Variants in EVL observed in about 807,000 individuals in gnomAD.
The protein encoded by EVL is Enah/Vasp-like, also known as ena/VASP-like protein.
A neutral mutation model predicts 59.6 loss-of-function variants in EVL; 21 were observed. That is an observed-to-expected ratio of 0.35 (90% CI 0.25 to 0.51). The LOEUF (loss-of-function observed/expected upper bound fraction) is 0.51. EVL is among the 20% of genes least tolerant of loss of function. The probability of loss-of-function intolerance (pLI) is 0.97; values close to 1 mark genes in which losing one functional copy is unlikely to be tolerated. For synonymous variants in EVL, 198 were observed against 203.5 expected (o/e 0.97, Z 0.23); for missense variants, 462 against 546.6 (o/e 0.85, Z 1.54).
intron 1 of EVL, among the ~76,000 whole-genome samples, chr14:100,047,111 TCTCTCTC>T (rs201628346): frequency 2.3e-3 from 67 of 29,572 alleles, no homozygotes; most frequent in African/African-American, 9.5e-3. Flanking sequence ...TGGGCAGATC[TCTCTCTC>T]TTTTTTTTTT....
chr14:100,020,129 G>A (rs765917053), intron 1 of EVL, among the ~76,000 whole-genome samples: 1 of 152,224 alleles, frequency 6.6e-6, no homozygotes, highest in African/African-American at 2.4e-5. Flanking sequence ...TGTCTGCATA[G>A]TTGAGATTTG....
intron 1 of EVL, among the ~76,000 whole-genome samples, chr14:100,006,377 C>T (rs1157438198): frequency 3.3e-5 from 5 of 151,540 alleles, no homozygotes; most frequent in South Asian, 2.1e-4. Context: ...CTCCGCCTCC[C>T]GTGTTCAAGC....
At chr14:99,982,938 G>A (rs952162464) in intron 1 of EVL, among the ~76,000 whole-genome samples, 5 of 152,142 alleles carry the variant, frequency 3.3e-5, no homozygotes, top group Admixed American at 2.0e-4. Context: ...AAGTATAAAT[G>A]AGGACAGTTC....
intron 4 of EVL, 94 bp downstream of exon 4, chr14:100,123,696 A>G (rs1887846832): frequency 7.5e-7 from 1 of 1,326,326 alleles, no homozygotes; most frequent in Admixed American, 1.8e-5. Flanking sequence ...ACCAGCAGCC[A>G]AGGCCAGGAC....
intron 1 of EVL, among the ~76,000 whole-genome samples, chr14:100,032,314 A>G (rs1467093083): frequency 6.6e-6 from 1 of 152,196 alleles, no homozygotes; most frequent in Non-Finnish European, 1.5e-5. Flanking sequence ...GAAGGTTGAC[A>G]CGTTTTGCTA....
intron 3 of EVL, among the ~76,000 whole-genome samples, chr14:100,122,845 A>G (rs1887786084): frequency 6.6e-6 from 1 of 152,250 alleles, no homozygotes; most frequent in Non-Finnish European, 1.5e-5. Context: ...TCTGCACAGC[A>G]GACTTCGCCT....
chr14:99,971,907 C>T (rs917043573), exon 1 of EVL: 8 of 147,280 alleles, frequency 5.4e-5, no homozygotes, highest in African/African-American at 2.0e-4. Flanking sequence ...AAGATGAGCC[C>T]CCGCTGCCCC....
rs2061053966 is a variant in EVL at position 100,016,699 on chromosome 14, A to G, written c.5+44642A>G. Among the ~76,000 whole-genome samples the G allele has an allele frequency of 4.6e-5, 7 of 152,136 alleles. No individual in the cohort carries two copies. In the South Asian group the frequency reaches 1.5e-3, roughly 32 times the overall value. On this transcript the variant is annotated intron_variant, in intron 1 of 13. Coordinates refer to the EVL transcript ENST00000402714. ...TGTCAGGAGTCACGGACCCTCACTT[A>G]TGTTTCTGTTTCTGACACTTTGGTG...
chr14:100,112,643 C>G (rs1244064710), intron 3 of EVL, among the ~76,000 whole-genome samples: 1 of 152,204 alleles, frequency 6.6e-6, no homozygotes, highest in Admixed American at 6.5e-5. Flanking sequence ...ACCCAAGGCC[C>G]CTTGTGCCCA....
At chr14:100,089,765 C>T (rs116704307) in intron 2 of EVL, among the ~76,000 whole-genome samples, 218 of 152,168 alleles carry the variant, frequency 1.4e-3, no homozygotes, top group Middle Eastern at 0.01. Context: ...TCCACCTCTA[C>T]CAACAAAAAA....
intron 3 of EVL, among the ~76,000 whole-genome samples, chr14:100,123,268 G>A (rs1887814488): frequency 6.6e-6 from 1 of 152,172 alleles, no homozygotes; most frequent in African/African-American, 2.4e-5. Context: ...AGGCGAGCAG[G>A]GTCAGTAACT....
At chr14:100,019,518 G>A (rs2061084251) in intron 1 of EVL, 1 of 643,878 alleles carries the variant, frequency 1.6e-6, no homozygotes, top group South Asian at 2.3e-5. Flanking sequence ...GCCCCTGTCT[G>A]CAGAAAGCCT....
In EVL at chr14:100,108,326, T is replaced by C. The variant is rs1339877041; in HGVS notation, c.358+10668T>C. On this transcript the variant is annotated intron_variant, in intron 3 of 13. Transcript: ENST00000392920. This position sits in a 1 kb window ranked among gnomAD's most constrained non-coding sequence, Gnocchi z 4.1. ...TTGTAAACCTCTTTCCATTGGAAAT[T>C]ACCTCTTTCTCCCCTAAAGAGAAGG... Among the ~76,000 whole-genome samples the C allele has an allele frequency of 6.6e-6, 1 of 152,176 alleles. No homozygotes were observed. Among genetic ancestry groups the C allele is most frequent in the Non-Finnish European group, 1.5e-5 (1 of 68,026 alleles).
chr14:99,989,020 C>G (rs1366843623), intron 1 of EVL, among the ~76,000 whole-genome samples: 1 of 152,124 alleles, frequency 6.6e-6, no homozygotes, highest in Non-Finnish European at 1.5e-5. Flanking sequence ...AATGGTTGTA[C>G]AATTCTGTGA....
Position 99,973,376 on chromosome 14 carries a change from A to G in EVL, c.5+1319A>G, listed in dbSNP as rs533469495. 2.5e-4 allele frequency among the ~76,000 whole-genome samples: 38 copies of G among 152,312 alleles called. 1 individual carries two copies. The Middle Eastern group carries it at 0.01, about 41-fold the overall frequency. ...GGTTTTAATCTGCAGTTTCCTGTTG[A>G]CTGATGAGGCTGAACATCTTTTTAT... is the stretch of plus-strand genomic sequence containing the variant. On this transcript the variant is annotated intron_variant, in intron 1 of 13. Transcript: ENST00000402714.
intron 1 of EVL, among the ~76,000 whole-genome samples, chr14:99,991,324 G>A (rs1051476159): frequency 6.6e-6 from 1 of 152,138 alleles, no homozygotes; most frequent in Admixed American, 6.5e-5. Flanking sequence ...ACTCTTTGAG[G>A]CTGAAGCAAA....
At chr14:100,084,037 A>ATT (rs1433092014) in intron 1 of EVL, among the ~76,000 whole-genome samples, 1 of 146,072 alleles carries the variant, frequency 6.8e-6, no homozygotes, top group African/African-American at 2.6e-5. Flanking sequence ...TTAATAATGC[A>ATT]TTCTCTCTCT....
intron 1 of EVL, 83 bp from the exon 2 acceptor site, chr14:100,084,604 A>G (rs2062395407): frequency 1.4e-6 from 2 of 1,444,628 alleles, no homozygotes; most frequent in Non-Finnish European, 1.9e-6. Context: ...TCAAGTAGCA[A>G]TTGGCCTCTA....
rs1218289256 is a variant in EVL, at chr14:100,143,801, C to T, written c.*63C>T. Reference sequence around the variant, plus strand: ...CGGCGACAGAGGACAGCCAGAAGCCCAGCCAGCCCCAGACTCCAGTGCACC... The same window carrying T: ...CGGCGACAGAGGACAGCCAGAAGCCTAGCCAGCCCCAGACTCCAGTGCACC... On this transcript the variant is annotated 3_prime_UTR_variant, in exon 14 of 14. Coordinates refer to ENST00000392920, the MANE Select transcript of EVL (RefSeq NM_016337.3). The T allele has an allele frequency of 1.9e-6, 3 of 1,576,342 alleles. No individual in the cohort carries two copies. The highest frequency in any genetic ancestry group is 4.7e-5 in the East Asian group (2 of 42,814).
Sources: gnomAD v4.1 joint callset for allele counts (sites outside exome capture counted in the v4.1 genomes callset) on GRCh38, gnomAD v4.1.1 for gene constraint, Gnocchi (gnomAD v3.1) non-coding constraint, MANE v1.5 for transcripts, NCBI Gene and HGNC (gene_info 2026-07-23, HGNC 2026-07-21) for gene names.